Variants in FAT3 observed in about 807,000 individuals in gnomAD.
FAT3 encodes FAT atypical cadherin 3, also known as protocadherin Fat 3.
Under a neutral mutation model 310.2 loss-of-function variants are expected in FAT3, and 95 were observed. The ratio of observed to expected loss-of-function variants is 0.31; its 90% CI spans 0.26 to 0.36. FAT3 has a LOEUF of 0.36. FAT3 is among the 10% of genes least tolerant of loss of function. FAT3 has a pLI of 1.00. For missense variants in FAT3, 5,408 were observed against 5,715.6 expected, an observed-to-expected ratio of 0.95 and a Z score of 1.74; for synonymous variants, 2,314 against 2,192.9, an observed-to-expected ratio of 1.06 and a Z score of -1.54.
chr11:92,497,208 C>T (rs1483445147), intron 2 of FAT3, among the ~76,000 whole-genome samples: 1 of 151,974 alleles, frequency 6.6e-6, no homozygotes, highest in Non-Finnish European at 1.5e-5. Flanking sequence ...CCTTAGCCTT[C>T]CATGGCACCA....
chr11:92,650,845 G>A (rs2135757743), intron 3 of FAT3, among the ~76,000 whole-genome samples: 1 of 152,318 alleles, frequency 6.6e-6, no homozygotes, highest in South Asian at 2.1e-4. Context: ...GGGATATTGT[G>A]AGGATTAAAT....
chr11:92,583,506 C>CT, intron 3 of FAT3, among the ~76,000 whole-genome samples: 1 of 152,104 alleles, frequency 6.6e-6, no homozygotes, highest in Non-Finnish European at 1.5e-5. Flanking sequence ...CTCCAGGAAC[C>CT]TTAGCAAAAC....
At chr11:92,432,553 T>C (rs609675) in intron 2 of FAT3, among the ~76,000 whole-genome samples, 123,082 of 152,138 alleles carry the variant, frequency 0.81, 50,924 homozygotes, top group Non-Finnish European at 0.89. Flanking sequence ...TTGCTGGAGG[T>C]GTACTCCAGA....
chr11:92,799,549 T>C lies in FAT3; in HGVS notation c.6536T>C (p.Val2179Ala). Residue 2179 changes from valine to alanine, a missense_variant, in exon 10 of 28, where the codon GTC becomes GCC. Val to Ala is a moderately conservative substitution (Grantham distance 64, BLOSUM62 0). This residue lies in a region of FAT3 where 4,588 missense variants were observed against 4,809.8 expected (regional missense o/e 0.95). Coordinates refer to ENST00000525166, the MANE Select transcript of FAT3 (RefSeq NM_001367949.2). ...STSVELPITI[V>A]NKAMPVFDKP... is the part of the protein sequence containing the mutation. ...TCTGTGGAGCTTCCCATCACTATTG[T>C]CAACAAAGCAATGCCTGTGTTTGAT... 1 of 1,613,796 alleles carries C rather than the reference T, an allele frequency of 6.2e-7. No individual in the cohort carries two copies. Among genetic ancestry groups the C allele is most frequent in the Non-Finnish European group, 8.5e-7 (1 of 1,179,840 alleles).
chr11:92,414,819 G>T (rs1950370993), intron 2 of FAT3, among the ~76,000 whole-genome samples: 1 of 151,914 alleles, frequency 6.6e-6, no homozygotes, highest in Admixed American at 6.6e-5. Context: ...GATCATCCTG[G>T]CTAACACGGT....
rs1408175812 is a variant in FAT3, at chr11:92,352,169, C to A, written c.57C>A (p.Ile19=). ...CACGGCCTCCTGCTTGTTGCCTCAT[C>A]CTCCTGCTTTTCAAGCTTTTGGCCA... ...VGTRPPACCL[I]LLLFKLLATV... Residue 19 remains isoleucine, a synonymous_variant, in exon 2 of 28, where the codon ATC becomes ATA. Transcript: ENST00000525166. 7.3e-7 allele frequency: 1 copy of A among 1,371,180 alleles called. No individual in the cohort carries two copies. Among genetic ancestry groups the A allele is most frequent in the Admixed American group, 1.9e-5 (1 of 52,478 alleles). The allele number at this position is 1,371,180 out of a possible 1,614,324, so 84.9% of individuals were successfully genotyped here.
chr11:92,866,854 C>G lies in FAT3; in HGVS notation c.11772C>G (p.Leu3924=), dbSNP rs2136348290. The stretch of plus-strand genomic sequence containing the variant: ...GCTGGCACTCGGTCTTCCTGGAGCT[C>G]AACCGCAATTTCACGAGCCTGTCCC... ...DGSWHSVFLE[L]NRNFTSLSLD... is the part of the protein sequence containing the mutation. The change falls in exon 22 of 28, where the codon CTC becomes CTG. Residue 3924 remains leucine, a synonymous_variant. Coordinates refer to ENST00000525166, the MANE Select transcript of FAT3 (RefSeq NM_001367949.2). 2 of 1,613,944 alleles carry G rather than the reference C, an allele frequency of 1.2e-6. No homozygotes were observed. Among genetic ancestry groups the G allele is most frequent in the Non-Finnish European group, 1.7e-6 (2 of 1,179,876 alleles).
chr11:92,260,281 A>G (rs1339961261), intron 1 of FAT3, among the ~76,000 whole-genome samples: 1 of 151,968 alleles, frequency 6.6e-6, no homozygotes, highest in Non-Finnish European at 1.5e-5. Flanking sequence ...AAGAGCGGTC[A>G]TTTGTATGAT....
chr11:92,535,072 C>T (rs528486767), intron 3 of FAT3, among the ~76,000 whole-genome samples: 2 of 152,210 alleles, frequency 1.3e-5, no homozygotes, highest in African/African-American at 4.8e-5. Context: ...ACATGAGGGT[C>T]TTTAAAAGAA....
At chr11:92,804,847 C>T (rs1379248267) in intron 10 of FAT3, among the ~76,000 whole-genome samples, 1 of 152,176 alleles carries the variant, frequency 6.6e-6, no homozygotes, top group Non-Finnish European at 1.5e-5. Flanking sequence ...CCTGAGAAGA[C>T]GATTGATTGT....
chr11:92,603,408 T>A lies in FAT3; in HGVS notation c.3607+78460T>A, dbSNP rs77077105. The stretch of plus-strand genomic sequence containing the variant: ...TGTGTTCATCTGTAATTCTCAAGAT[T>A]AATTGCTTGATTATTTCAATAAAAG... On this transcript the variant is annotated intron_variant, in intron 3 of 27. Coordinates refer to ENST00000525166, the MANE Select transcript of FAT3 (RefSeq NM_001367949.2). Among the ~76,000 whole-genome samples, 264 of 152,364 alleles carry A rather than the reference T, an allele frequency of 1.7e-3. 1 individual carries two copies. The highest frequency in any genetic ancestry group is 0.014 in the Admixed American group (213 of 15,300).
intron 9 of FAT3, 134 bp from the exon 10 acceptor site, chr11:92,797,702 G>T: frequency 1.4e-6 from 1 of 735,012 alleles, no homozygotes; most frequent in African/African-American, 1.8e-5. Context: ...TTTTATTTCA[G>T]AATGACACAG....
At chr11:92,469,292 T>G (rs1466895139) in intron 2 of FAT3, among the ~76,000 whole-genome samples, 2 of 152,312 alleles carry the variant, frequency 1.3e-5, no homozygotes, top group East Asian at 3.9e-4. Flanking sequence ...TGAGACCTTT[T>G]TAAAACCCTG....
chr11:92,682,387 A>G (rs1943505256), intron 3 of FAT3, among the ~76,000 whole-genome samples: 1 of 152,234 alleles, frequency 6.6e-6, no homozygotes, highest in Non-Finnish European at 1.5e-5. Context: ...AAAAAAAATC[A>G]TAAAGCAGTT....
chr11:92,765,148 G>T, intron 6 of FAT3, 59 bp downstream of exon 6: 1 of 1,069,998 alleles, frequency 9.3e-7, no homozygotes, highest in Non-Finnish European at 1.2e-6. Flanking sequence ...GAAGCAACTA[G>T]GAAAAAAAAA....
intron 2 of FAT3, among the ~76,000 whole-genome samples, chr11:92,422,622 G>A (rs554805749): frequency 3.9e-5 from 6 of 152,278 alleles, no homozygotes; most frequent in African/African-American, 1.2e-4. Context: ...GAGGCTGAGG[G>A]CAGGAAGCAA....
intron 24 of FAT3, among the ~76,000 whole-genome samples, chr11:92,884,214 G>A (rs551836174): frequency 2.6e-5 from 4 of 152,332 alleles, no homozygotes; most frequent in African/African-American, 9.6e-5. Flanking sequence ...CTGAGCACCA[G>A]AGAACGGATA....
Position 92,799,131 on chromosome 11 carries a change from G to A in FAT3, c.6118G>A (p.Val2040Ile). 1.9e-6 allele frequency: 3 copies of A among 1,613,958 alleles called. No homozygotes were observed. Among genetic ancestry groups the A allele is most frequent in the Non-Finnish European group, 2.5e-6 (3 of 1,179,870 alleles). The change falls in exon 10 of 28, where the codon GTC (valine) becomes ATC (isoleucine). Residue 2040 changes from valine (V) to isoleucine (I), a missense_variant. Val to Ile is a conservative substitution (Grantham distance 29). Around this residue, in one of 5 missense-constraint regions of FAT3, gnomAD observed 4,588 missense variants for 4,809.8 expected, o/e 0.95. Transcript: ENST00000525166. The part of the protein sequence containing the change: ...STSGVIQTTG[V>I]PFDREEQELY... ...CTCAGGGGTCATTCAGACGACTGGA[G>A]TCCCCTTTGACCGTGAAGAACAAGA...
chr11:92,830,535 C>G (rs1268411323), intron 13 of FAT3, among the ~76,000 whole-genome samples: 1 of 152,092 alleles, frequency 6.6e-6, no homozygotes, highest in African/African-American at 2.4e-5. Context: ...ATTTGCATGG[C>G]TTTGCATGAC....
Sources: gnomAD v4.1 joint callset for allele counts (sites outside exome capture counted in the v4.1 genomes callset) on GRCh38, gnomAD v4.1.1 for gene constraint, gnomAD v4.1.1 regional missense constraint, MANE v1.5 for transcripts, NCBI Gene and HGNC (gene_info 2026-07-23, HGNC 2026-07-21) for gene names.